ELP4: variants seen among roughly 807,000 people sequenced by gnomAD.
ELP4 encodes the protein elongator acetyltransferase complex subunit 4.
In ELP4, 51 loss-of-function variants were observed where a neutral mutation model predicts 48.9. That is an observed-to-expected ratio of 1.04 (90% CI 0.83 to 1.32). The LOEUF is 1.32. Among genes scored for constraint, ELP4 ranks in the 40% most tolerant of loss-of-function variants. The pLI is 0.00. For synonymous variants in ELP4, 210 were observed against 189.2 expected, an observed-to-expected ratio of 1.11 and a Z score of -0.90; for missense variants, 519 against 514.6, an observed-to-expected ratio of 1.01 and a Z score of -0.08.
chr11:31,572,979 G>C (rs1296112729), intron 3 of ELP4, among the ~76,000 whole-genome samples: 1 of 152,152 alleles, frequency 6.6e-6, no homozygotes, highest in East Asian at 1.9e-4. Context: ...CTGTACTCCA[G>C]CCTGGGCAAC....
At chr11:31,634,174 C>A (rs1038573551) in intron 7 of ELP4, 2 of 151,862 alleles carry the variant, frequency 1.3e-5, no homozygotes, top group African/African-American at 2.4e-5. Context: ...TCCTATGTGT[C>A]CTGAATTATT....
At chr11:31,662,071 A>G (rs1945569658) in intron 9 of ELP4, among the ~76,000 whole-genome samples, 1 of 152,100 alleles carries the variant, frequency 6.6e-6, no homozygotes, top group Non-Finnish European at 1.5e-5. Context: ...TTTTCCTGAG[A>G]AACCATTCTG....
At chr11:31,647,906 G>A in intron 8 of ELP4, 57 bp downstream of exon 8, 1 of 951,132 alleles carries the variant, frequency 1.1e-6, no homozygotes, top group South Asian at 1.3e-5. Flanking sequence ...AGGTTACCTG[G>A]AAGCATCCTA....
chr11:31,631,964 AT>A, intron 6 of ELP4, among the ~76,000 whole-genome samples: 1 of 152,218 alleles, frequency 6.6e-6, no homozygotes, highest in South Asian at 2.1e-4. Context: ...TGCTGTTAAA[AT>A]TTAGATACAA....
At position 31,538,593 on chromosome 11, in the gene ELP4, A is replaced by T. The variant is rs534408292; in HGVS notation, c.260-1069A>T. On this transcript the variant is annotated intron_variant, in intron 2 of 9. Coordinates refer to ENST00000640961, the MANE Select transcript of ELP4 (RefSeq NM_019040.5). ...CATCTTATCATGTATGATGATACCT[A>T]TAGGTTTTTTGTAGATCCCATGTGT... 8.6e-5 allele frequency among the ~76,000 whole-genome samples: 13 copies of T among 151,334 alleles called. No homozygotes were observed. The South Asian group carries it at 2.7e-3, about 31-fold the overall frequency.
intron 3 of ELP4, among the ~76,000 whole-genome samples, chr11:31,557,236 A>G (rs1044007663): frequency 6.6e-6 from 1 of 151,898 alleles, no homozygotes; most frequent in African/African-American, 2.4e-5. Flanking sequence ...CGAAGGGTTT[A>G]TATTATACCA....
chr11:31,542,116 A>G (rs934575348), intron 3 of ELP4, among the ~76,000 whole-genome samples: 3 of 152,212 alleles, frequency 2.0e-5, no homozygotes, highest in African/African-American at 7.2e-5. Context: ...AGGAAACAAC[A>G]GTTTTCGAAA....
At chr11:31,761,088 C>T (rs572427286) in intron 9 of ELP4, among the ~76,000 whole-genome samples, 206 of 152,180 alleles carry the variant, frequency 1.4e-3, no homozygotes, top group African/African-American at 4.5e-3. Context: ...CAAGGCTGTT[C>T]GCGGTGGCTC....
chr11:31,629,921 TAAAG>T (rs955947777), intron 6 of ELP4, among the ~76,000 whole-genome samples: 4 of 151,968 alleles, frequency 2.6e-5, no homozygotes, highest in African/African-American at 9.7e-5. Flanking sequence ...TTTTAAATAA[TAAAG>T]AAAAAAGAAT....
chr11:31,628,168 T>G (rs982452122), intron 6 of ELP4: 3 of 152,074 alleles, frequency 2.0e-5, no homozygotes, highest in African/African-American at 7.2e-5. Flanking sequence ...ACAATTTTAT[T>G]TTGCTCAGTG....
chr11:31,590,858 G>A (rs1957556909), intron 3 of ELP4, among the ~76,000 whole-genome samples: 1 of 152,042 alleles, frequency 6.6e-6, no homozygotes, highest in South Asian at 2.1e-4. Context: ...TGAGCAATCC[G>A]CCCCCATAAT....
At chr11:31,743,502 G>A (rs1308030433) in intron 9 of ELP4, among the ~76,000 whole-genome samples, 1 of 152,118 alleles carries the variant, frequency 6.6e-6, no homozygotes, top group Non-Finnish European at 1.5e-5. Context: ...TGGAAGTAAA[G>A]CATTCCTTAG....
intron 1 of ELP4, among the ~76,000 whole-genome samples, 194 bp from the exon 2 acceptor site, chr11:31,519,862 G>GT (rs1222366920): frequency 6.6e-6 from 1 of 151,588 alleles, no homozygotes; most frequent in African/African-American, 2.4e-5. Context: ...GTAATGTGTA[G>GT]TATGTAATTA....
intron 9 of ELP4, among the ~76,000 whole-genome samples, chr11:31,670,140 T>G (rs1385627315): frequency 6.6e-6 from 1 of 152,182 alleles, no homozygotes; most frequent in African/African-American, 2.4e-5. Flanking sequence ...GATTTGAATT[T>G]AAATGCATTT....
At chr11:31,759,281 T>A (rs1446107393) in intron 9 of ELP4, among the ~76,000 whole-genome samples, 2 of 152,192 alleles carry the variant, frequency 1.3e-5, no homozygotes, top group Non-Finnish European at 2.9e-5. Flanking sequence ...GAGAATATAT[T>A]AAGTTTTGAG....
intron 4 of ELP4, among the ~76,000 whole-genome samples, chr11:31,595,505 G>C (rs570135644): frequency 1.3e-5 from 2 of 152,270 alleles, no homozygotes; most frequent in African/African-American, 4.8e-5. Context: ...CATACTAGTA[G>C]AAAAGAAAGG....
At chr11:31,602,490 T>TA in intron 4 of ELP4, among the ~76,000 whole-genome samples, 1 of 152,150 alleles carries the variant, frequency 6.6e-6, no homozygotes, top group East Asian at 1.9e-4. Flanking sequence ...CATATCTTAT[T>TA]AATGAAAGTA....
intron 5 of ELP4, among the ~76,000 whole-genome samples, chr11:31,612,273 A>G (rs1478162486): frequency 6.6e-6 from 1 of 152,232 alleles, no homozygotes; most frequent in African/African-American, 2.4e-5. Context: ...ATATGTACTG[A>G]TGACTTCTCT....
At chr11:31,724,206 C>A (rs536279989) in intron 9 of ELP4, among the ~76,000 whole-genome samples, 2 of 152,120 alleles carry the variant, frequency 1.3e-5, no homozygotes, top group Admixed American at 6.6e-5. Flanking sequence ...CATGCTTAGG[C>A]CCCTCTAGAA....
Sources: gnomAD v4.1 joint callset for allele counts (sites outside exome capture counted in the v4.1 genomes callset) on GRCh38, gnomAD v4.1.1 for gene constraint, MANE v1.5 for transcripts, NCBI Gene and HGNC (gene_info 2026-07-23, HGNC 2026-07-21) for gene names.